The following CDC6 variants were observed in gnomAD, a reference collection of about 807,000 sequenced individuals.
CDC6 encodes cell division cycle 6, also known as DNA replication factor CDC6.
A neutral mutation model predicts 60.2 loss-of-function variants in CDC6; 46 were observed. That is an observed-to-expected ratio of 0.76 (90% CI 0.60 to 0.98). The LOEUF is 0.98. Ranked by LOEUF, CDC6 falls within the 50% of genes least tolerant of loss-of-function variation. The pLI, the probability that CDC6 is intolerant of heterozygous loss-of-function variation, is 0.00. For synonymous variants in CDC6, 210 were observed against 233.2 expected (o/e 0.90, Z 0.90); for missense variants, 596 against 652.9 (o/e 0.91, Z 0.95).
At chr17:40,292,608 C>G (rs1161095353) in intron 4 of CDC6, among the ~76,000 whole-genome samples, 1 of 147,774 alleles carries the variant, frequency 6.8e-6, no homozygotes, top group Non-Finnish European at 1.5e-5. Flanking sequence ...GTACTCCAGC[C>G]TGGGTGACAG....
chr17:40,298,461 G>A (rs2032891275), intron 9 of CDC6, among the ~76,000 whole-genome samples: 1 of 151,544 alleles, frequency 6.6e-6, no homozygotes, highest in Admixed American at 6.6e-5. Context: ...GAGTCCAGTG[G>A]TGCAATTATG....
chr17:40,293,627 A>G lies in CDC6; in HGVS notation c.832A>G (p.Met278Val), dbSNP rs1451607734. The part of the protein sequence containing the change: ...EKHMTAEKGP[M>V]IVLVLDEMDQ... ...ACATATGACTGCAGAGAAGGGCCCC[A>G]TGATGTAAGTATTGTTCTGCTTCAT... The change falls in exon 5 of 12, where the codon ATG becomes GTG. Residue 278 changes from methionine to valine, a missense_variant. By Grantham distance (21) the Met-to-Val change is conservative. Transcript: ENST00000209728. 5.6e-6 allele frequency: 9 copies of G among 1,610,186 alleles called. No homozygotes were observed. The highest frequency in any genetic ancestry group is 7.7e-6 in the Non-Finnish European group (9 of 1,176,372).
At chr17:40,291,989 C>G (rs551544767) in intron 4 of CDC6, among the ~76,000 whole-genome samples, 1 of 152,134 alleles carries the variant, frequency 6.6e-6, no homozygotes, top group South Asian at 2.1e-4. Context: ...CCTCATGGTC[C>G]GCCCTTGTTG....
chr17:40,297,018 C>T (rs1389412050), intron 9 of CDC6, among the ~76,000 whole-genome samples: 1 of 152,000 alleles, frequency 6.6e-6, no homozygotes, highest in Non-Finnish European at 1.5e-5. Context: ...GTTTTTTTTC[C>T]AAGCTCTGGA....
intron 8 of CDC6, 141 bp from the exon 9 acceptor site, chr17:40,296,562 C>T (rs1471479277): frequency 1.5e-6 from 1 of 661,726 alleles, no homozygotes; most frequent in Non-Finnish European, 2.8e-6. Flanking sequence ...TATGTGTAGG[C>T]TAAACCATGT....
chr17:40,289,434 G>C lies in CDC6; in HGVS notation c.14G>C (p.Arg5Pro), dbSNP rs879121433. Residue 5 changes from arginine to proline, a missense_variant, in exon 2 of 12, where the codon CGA (arginine) becomes CCA (proline). By Grantham distance (103) the Arg-to-Pro change is moderately radical (BLOSUM62 -2). Coordinates refer to ENST00000209728, the MANE Select transcript of CDC6 (RefSeq NM_001254.4). Reference sequence around the variant, plus strand: ...TGTGCTGTCGTCATGCCTCAAACCCGATCCCAGGCACAGGCTACAATCAGT... The same window carrying C: ...TGTGCTGTCGTCATGCCTCAAACCCCATCCCAGGCACAGGCTACAATCAGT... MPQT[R>P]SQAQATISFP... is the part of the protein sequence containing the mutation. 6.2e-7 allele frequency: 1 copy of C among 1,613,552 alleles called. No individual in the cohort carries two copies. The highest frequency in any genetic ancestry group is 8.5e-7 in the Non-Finnish European group (1 of 1,179,882).
chr17:40,289,502 A>G lies in CDC6; in HGVS notation c.82A>G (p.Asn28Asp). The change falls in exon 2 of 12, where the codon AAC becomes GAC. Residue 28 changes from asparagine to aspartate, a missense_variant. Coordinates refer to ENST00000209728, the MANE Select transcript of CDC6 (RefSeq NM_001254.4). ...KLSRALNKAK[N>D]SSDAKLEPTN... ...GTCTCGGGCATTGAACAAAGCTAAAAACTCCAGTGATGCCAAACTAGAACC... is the reference window on the plus strand; with the variant it reads ...GTCTCGGGCATTGAACAAAGCTAAAGACTCCAGTGATGCCAAACTAGAACC... 6.2e-7 allele frequency: 1 copy of G among 1,613,986 alleles called. No homozygotes were observed. Among genetic ancestry groups the G allele is most frequent in the Non-Finnish European group, 8.5e-7 (1 of 1,179,990 alleles).
rs922789824 is a variant in CDC6, at chr17:40,302,655, C to T, written c.*654C>T. ...ATAGGCGTGAGCCACCATGCTCAGC[C>T]ATTAAGGTATTTTGTTAAGAACTTT... On this transcript the variant is annotated 3_prime_UTR_variant, in exon 12 of 12. Transcript: ENST00000209728. The T allele has an allele frequency of 6.6e-6, 1 of 152,200 alleles. No homozygotes were observed. The highest frequency in any genetic ancestry group is 1.5e-5 in the Non-Finnish European group (1 of 68,082). The allele number at this position is 152,200 out of a possible 1,614,324, so 9.4% of individuals were successfully genotyped here.
rs1250634176 is a variant in CDC6 at position 40,291,595 on chromosome 17, G to C, written c.587G>C (p.Gly196Ala). Reference protein sequence around the residue: ...LREHICGKKAGSLYLSGAPGT... With the variant: ...LREHICGKKAASLYLSGAPGT... ...GAACACATCTGTGGGAAAAAAGCTGGAAGCCTTTACCTTTCTGGTGCTCCT... is the reference window on the plus strand; with the variant it reads ...GAACACATCTGTGGGAAAAAAGCTGCAAGCCTTTACCTTTCTGGTGCTCCT... Residue 196 changes from glycine (G) to alanine (A), a missense_variant, in exon 4 of 12, where the codon GGA becomes GCA. Coordinates refer to ENST00000209728, the MANE Select transcript of CDC6 (RefSeq NM_001254.4). 3 of 1,614,098 alleles carry C rather than the reference G, an allele frequency of 1.9e-6. No homozygotes were observed. Among genetic ancestry groups the C allele is most frequent in the African/African-American group, 2.7e-5 (2 of 74,944 alleles).
intron 11 of CDC6, 63 bp from the exon 12 acceptor site, chr17:40,301,849 T>G (rs545186448): frequency 1.3e-5 from 15 of 1,118,374 alleles, no homozygotes; most frequent in African/African-American, 1.1e-4. Context: ...TAGAAGTTTG[T>G]ATACTGACAA....
chr17:40,291,482 G>C lies in CDC6; in HGVS notation c.474G>C (p.Gln158His). The C allele has an allele frequency of 1.2e-6, 2 of 1,614,208 alleles. No individual in the cohort carries two copies. The highest frequency in any genetic ancestry group is 1.7e-6 in the Non-Finnish European group (2 of 1,180,038). The change falls in exon 4 of 12, where the codon CAG (glutamine) becomes CAC (histidine). Residue 158 changes from glutamine to histidine, a missense_variant. Physicochemically the swap from Gln to His is conservative, Grantham distance 24. Transcript: ENST00000209728. ...TGTCTGGCACAGGCACTTGCTACCA[G>C]CAAGCAAAGCTGGTCCTGAACACAG... ...RLFKQEGTCY[Q>H]QAKLVLNTAV...
intron 1 of CDC6, 89 bp from the exon 2 acceptor site, chr17:40,289,319 T>C: frequency 9.9e-7 from 1 of 1,015,128 alleles, no homozygotes; most frequent in Non-Finnish European, 1.5e-6. Flanking sequence ...AAATAAGTGT[T>C]AATCATCAGT....
chr17:40,289,400 T>A lies in CDC6; in HGVS notation c.-13-8T>A, dbSNP rs1421130282. The A allele has an allele frequency of 5.6e-6, 9 of 1,611,700 alleles. No individual in the cohort carries two copies. The highest frequency in any genetic ancestry group is 7.6e-6 in the Non-Finnish European group (9 of 1,177,876). On this transcript the variant is annotated splice_polypyrimidine_tract_variant and splice_region_variant and intron_variant, in intron 1 of 11. Transcript: ENST00000209728. ...TGACTAGTTGTCCTCTTATTTTTTT[T>A]AATCTAGCTGTGCTGTCGTCATGCC... is the stretch of plus-strand genomic sequence containing the variant.
rs890298002 is a variant in CDC6, at chr17:40,300,735, C to G, written c.1250-93C>G. 4.9e-6 allele frequency: 5 copies of G among 1,017,518 alleles called. No individual in the cohort carries two copies. The East Asian group carries it at 1.2e-4, about 24-fold the overall frequency. 63.0% of individuals were successfully genotyped at this position (1,017,518 alleles called of 1,614,324 possible). On this transcript the variant is annotated intron_variant, in intron 9 of 11. Transcript: ENST00000209728. ...CACCATGTGACTATACTTGAATTTC[C>G]TTTAGCTCAAACTTAGTATCATCTG...
rs781744947 is a variant in CDC6, at chr17:40,301,450, T to C, written c.1453-18T>C. 6.2e-7 allele frequency: 1 copy of C among 1,613,618 alleles called. No homozygotes were observed. The highest frequency in any genetic ancestry group is 1.1e-5 in the South Asian group (1 of 91,080). ...TGTGACTTTTAAGCAGCGTTTGTTC[T>C]CCCTTGTTTCCTACCAGTTATATGA... On this transcript the variant is annotated intron_variant, in intron 10 of 11. Coordinates refer to ENST00000209728, the MANE Select transcript of CDC6 (RefSeq NM_001254.4).
chr17:40,296,826 G>C, intron 9 of CDC6, 59 bp downstream of exon 9: 4 of 1,046,738 alleles, frequency 3.8e-6, no homozygotes, highest in Non-Finnish European at 6.0e-6. Flanking sequence ...CTTTTCTGAG[G>C]AAAGAGGTAG....
At position 40,291,525 on chromosome 17, in the gene CDC6, C is replaced by T; in HGVS notation, c.517C>T (p.Pro173Ser). The T allele has an allele frequency of 1.2e-6, 2 of 1,614,180 alleles. No individual in the cohort carries two copies. Among genetic ancestry groups the T allele is most frequent in the Non-Finnish European group, 1.7e-6 (2 of 1,180,044 alleles). ...GAACACAGCTGTCCCAGATCGGCTG[C>T]CTGCCAGGGAAAGGGAGATGGATGT... ...VLNTAVPDRL[P>S]AREREMDVIR... The change falls in exon 4 of 12, where the codon CCT becomes TCT. Residue 173 changes from proline (P) to serine (S), a missense_variant. Transcript: ENST00000209728.
At position 40,301,321 on chromosome 17, in the gene CDC6, A is replaced by C. The variant is rs2143112820; in HGVS notation, c.1453-147A>C. 3.7e-6 allele frequency: 3 copies of C among 818,160 alleles called. No individual in the cohort carries two copies. The South Asian group carries it at 4.2e-5, about 11-fold the overall frequency. The allele number at this position is 818,160 out of a possible 1,614,324, so 50.7% of individuals were successfully genotyped here. On this transcript the variant is annotated intron_variant, in intron 10 of 11. Transcript: ENST00000209728. ...ATAGGTTTTCGGGAATATCTACAGAAGCCTGTTCAAAGATTTTATTGAAAA... is the reference window on the plus strand; with the variant it reads ...ATAGGTTTTCGGGAATATCTACAGACGCCTGTTCAAAGATTTTATTGAAAA...
Position 40,289,521 on chromosome 17 carries a change from T to G in CDC6, c.101T>G (p.Leu34Arg). ...GCTAAAAACTCCAGTGATGCCAAAC[T>G]AGAACCAACAAATGTCCAAACCGTA... is the stretch of plus-strand genomic sequence containing the variant. ...NKAKNSSDAKLEPTNVQTVTC... is the reference protein window; with the variant it reads ...NKAKNSSDAKREPTNVQTVTC... Residue 34 changes from leucine to arginine, a missense_variant, in exon 2 of 12, where the codon CTA becomes CGA. Leu to Arg is a moderately radical substitution (Grantham distance 102). Transcript: ENST00000209728. 2.5e-6 allele frequency: 4 copies of G among 1,614,034 alleles called. No individual in the cohort carries two copies. Among genetic ancestry groups the G allele is most frequent in the African/African-American group, 1.3e-5 (1 of 74,998 alleles).
Sources: allele counts gnomAD v4.1 joint callset (sites outside exome capture counted in the v4.1 genomes callset), GRCh38; gene constraint gnomAD v4.1.1; transcripts MANE v1.5; gene names NCBI Gene and HGNC (gene_info 2026-07-23, HGNC 2026-07-21).